Variants in USF1 observed in about 807,000 individuals in gnomAD.
USF1 encodes the protein upstream stimulatory factor 1.
A neutral mutation model predicts 46.3 loss-of-function variants in USF1; 22 were observed. The observed-to-expected ratio is 0.47, with a 90% CI of 0.34 to 0.68. USF1 has a LOEUF of 0.68. Among genes scored for constraint, USF1 ranks in the 30% least tolerant of loss-of-function variants. The pLI is 0.01. For missense variants in USF1, 287 were observed against 399.3 expected, an observed-to-expected ratio of 0.72 and a Z score of 2.40; for synonymous variants, 150 against 147.0, an observed-to-expected ratio of 1.02 and a Z score of -0.15.
chr1:161,043,092 CA>C (rs1440395707), intron 2 of USF1, among the ~76,000 whole-genome samples, 175 bp downstream of exon 2: 1 of 152,084 alleles, frequency 6.6e-6, no homozygotes, highest in Non-Finnish European at 1.5e-5. Context: ...AAAACAGCAC[CA>C]CGAGATAGAT....
intron 6 of USF1, 62 bp from the exon 7 acceptor site, chr1:161,041,473 T>C (rs1650557335): frequency 1.3e-6 from 2 of 1,556,374 alleles, no homozygotes; most frequent in African/African-American, 1.4e-5. Context: ...AGCCCTGAGG[T>C]GAAGACCCTG....
At chr1:161,045,516 C>T (rs17175449) in intron 1 of USF1, among the ~76,000 whole-genome samples, 3 of 152,344 alleles carry the variant, frequency 2.0e-5, no homozygotes, top group African/African-American at 4.8e-5. Context: ...GGAGCCTGCG[C>T]CGTGACCCCG....
chr1:161,043,522 T>C lies in USF1; in HGVS notation c.-85-162A>G, dbSNP rs6686076. Among the ~76,000 whole-genome samples the C allele has an allele frequency of 0.28, 42,819 of 151,952 alleles. 8,600 individuals carry two copies. The highest frequency in any genetic ancestry group is 0.55 in the African/African-American group (22,735 of 41,358). ...GATGTTGAGGACTGGCCTACAGTGA[T>C]TGAAAAAGCAAGGCTACAAATAGTG... is the stretch of plus-strand genomic sequence containing the variant. On this transcript the variant is annotated intron_variant, in intron 1 of 10. Transcript: ENST00000368021.
In USF1 at chr1:161,040,055, C is replaced by T; in HGVS notation, c.844-46G>A. The T allele has an allele frequency of 6.2e-7, 1 of 1,613,036 alleles. No homozygotes were observed. The highest frequency in any genetic ancestry group is 8.5e-7 in the Non-Finnish European group (1 of 1,179,146). On this transcript the variant is annotated intron_variant, in intron 10 of 10. Transcript: ENST00000368021. The surrounding 1 kb of genome is among the most constrained non-coding windows in gnomAD (Gnocchi z 4.0). ...TAAAGGGAATGGGTAGTAAAGCTGG[C>T]ACTTCCAAGCCCCTGAATGTATTCA...
intron 3 of USF1, 39 bp from the exon 4 acceptor site, chr1:161,042,709 T>A (rs369938502): frequency 2.7e-5 from 43 of 1,612,556 alleles, no homozygotes; most frequent in Non-Finnish European, 3.5e-5. Context: ...GTGAGTTAAC[T>A]GCCTTTCTAC....
chr1:161,041,261 CAAAAA>C (rs1181304214), intron 7 of USF1, 58 bp downstream of exon 7: 1,805 of 665,826 alleles, frequency 2.7e-3, no homozygotes, highest in Middle Eastern at 3.5e-3. Flanking sequence ...GACTCTGTCT[CAAAAA>C]AAAAAAAAAA....
Position 161,040,451 on chromosome 1 carries a change from G to A in USF1, c.715-121C>T. On this transcript the variant is annotated intron_variant, in intron 9 of 10. Transcript: ENST00000368021. The surrounding 1 kb of genome is among the most constrained non-coding windows in gnomAD (Gnocchi z 4.0). ...AGGAAGGTGGTATAATATCTCCCAGGGATACAGGAACCTCAGGGAGAGATA... is the reference window on the plus strand; with the variant it reads ...AGGAAGGTGGTATAATATCTCCCAGAGATACAGGAACCTCAGGGAGAGATA... The A allele has an allele frequency of 1.3e-6, 2 of 1,558,320 alleles. No individual in the cohort carries two copies. The highest frequency in any genetic ancestry group is 1.7e-6 in the Non-Finnish European group (2 of 1,147,036).
At position 161,042,759 on chromosome 1, in the gene USF1, C is replaced by G. The variant is rs77932225; in HGVS notation, c.58+74G>C. 123 of 1,611,626 alleles carry G rather than the reference C, an allele frequency of 7.6e-5. 1 individual carries two copies. The East Asian group carries it at 2.5e-3, about 33-fold the overall frequency. On this transcript the variant is annotated intron_variant, in intron 3 of 10. Coordinates refer to ENST00000368021, the MANE Select transcript of USF1 (RefSeq NM_007122.5). ...CATGTCACGGAAGGAGGAGGATGCA[C>G]AGGAGATGGTCTGGTGGGGAAGGAA...
At chr1:161,045,216 AC>A (rs1238317058) in intron 1 of USF1, among the ~76,000 whole-genome samples, 1 of 152,192 alleles carries the variant, frequency 6.6e-6, no homozygotes, top group African/African-American at 2.4e-5. Flanking sequence ...CTCTGAGGAC[AC>A]CCAGCAACGG....
chr1:161,042,023 C>CTCACTGT, intron 5 of USF1, 93 bp downstream of exon 5: 15 of 1,424,880 alleles, frequency 1.1e-5, no homozygotes, highest in Non-Finnish European at 1.3e-5. Context: ...CCTTAGATGC[C>CTCACTGT]TCACTGTTCC....
At position 161,040,360 on chromosome 1, in the gene USF1, T is replaced by C; in HGVS notation, c.715-30A>G. 1 of 1,610,946 alleles carries C rather than the reference T, an allele frequency of 6.2e-7. No individual in the cohort carries two copies. The highest frequency in any genetic ancestry group is 8.5e-7 in the Non-Finnish European group (1 of 1,177,876). ...AAGATAAGGTCAACAAAATGAGAAC[T>C]AGGATTTCAGATACCCAGCTTGCTT... is the stretch of plus-strand genomic sequence containing the variant. On this transcript the variant is annotated intron_variant, in intron 9 of 10. Transcript: ENST00000368021. This position sits in a 1 kb window ranked among gnomAD's most constrained non-coding sequence, Gnocchi z 4.0.
chr1:161,041,924 C>T, intron 5 of USF1, 78 bp from the exon 6 acceptor site: 1 of 1,466,396 alleles, frequency 6.8e-7, no homozygotes, highest in South Asian at 1.2e-5. Context: ...CAGCTTCTAT[C>T]CGTTGGGGTG....
intron 5 of USF1, 44 bp from the exon 6 acceptor site, chr1:161,041,890 ACTT>A: frequency 6.4e-7 from 1 of 1,570,086 alleles, no homozygotes; most frequent in Non-Finnish European, 8.7e-7. Context: ...ACAGTCAAAA[ACTT>A]CTTCCCACTA....
At chr1:161,042,008 G>A in intron 5 of USF1, 108 bp downstream of exon 5, 1 of 1,370,220 alleles carries the variant, frequency 7.3e-7, no homozygotes, top group Admixed American at 2.1e-5. Flanking sequence ...TTTGGGACAA[G>A]GCAGCCTTAG....
Position 161,040,880 on chromosome 1 carries a change from C to T in USF1, c.561-8G>A. On this transcript the variant is annotated splice_region_variant and splice_polypyrimidine_tract_variant and intron_variant, in intron 7 of 10. Coordinates refer to ENST00000368021, the MANE Select transcript of USF1 (RefSeq NM_007122.5). This position sits in a 1 kb window ranked among gnomAD's most constrained non-coding sequence, Gnocchi z 4.0. Reference sequence around the variant, plus strand: ...CGGGGAGCTTCTGACTTCCTGACAACAGAGCCCAGGGTGGCCAGAGTAAGA... The same window carrying T: ...CGGGGAGCTTCTGACTTCCTGACAATAGAGCCCAGGGTGGCCAGAGTAAGA... 1 of 1,614,068 alleles carries T rather than the reference C, an allele frequency of 6.2e-7. No homozygotes were observed. Among genetic ancestry groups the T allele is most frequent in the Non-Finnish European group, 8.5e-7 (1 of 1,180,018 alleles).
intron 2 of USF1, 135 bp downstream of exon 2, chr1:161,043,133 A>G (rs1650642904): frequency 1.3e-6 from 2 of 1,508,846 alleles, no homozygotes; most frequent in Non-Finnish European, 1.8e-6. Context: ...AGATAGAGAA[A>G]CCAAATCACA....
At chr1:161,045,392 C>A (rs1024495635) in intron 1 of USF1, among the ~76,000 whole-genome samples, 3 of 152,230 alleles carry the variant, frequency 2.0e-5, no homozygotes, top group Non-Finnish European at 4.4e-5. Context: ...GAAAAAAAAT[C>A]AACTCCCGAA....
In USF1 at chr1:161,040,100, G is replaced by A. The variant is rs12072782; in HGVS notation, c.844-91C>T. The A allele has an allele frequency of 1.6e-5, 25 of 1,609,842 alleles. No homozygotes were observed. The highest frequency in any genetic ancestry group is 2.7e-5 in the African/African-American group (2 of 74,762). On this transcript the variant is annotated intron_variant, in intron 10 of 10. Transcript: ENST00000368021. This position sits in a 1 kb window ranked among gnomAD's most constrained non-coding sequence, Gnocchi z 4.0. ...TATTCAGACATCCACTGGTGAGGGG[G>A]AAAAGATGAAGCCTTCTCCATGGAG...
At chr1:161,043,874 G>A (rs566716539) in intron 1 of USF1, among the ~76,000 whole-genome samples, 35 of 150,194 alleles carry the variant, frequency 2.3e-4, no homozygotes, top group Admixed American at 4.7e-4. Flanking sequence ...TGTCCACCTC[G>A]GCAGCCTCCC....
Sources: allele counts gnomAD v4.1 joint callset (sites outside exome capture counted in the v4.1 genomes callset), GRCh38; gene constraint gnomAD v4.1.1; non-coding constraint Gnocchi (gnomAD v3.1); transcripts MANE v1.5; gene names NCBI Gene and HGNC (gene_info 2026-07-23, HGNC 2026-07-21).